The following STOX2 variants were observed in gnomAD, a reference collection of about 807,000 sequenced individuals.
The protein encoded by STOX2 is storkhead box 2, also known as storkhead-box protein 2.
A neutral mutation model predicts 60.9 loss-of-function variants in STOX2; 28 were observed. The observed-to-expected ratio is 0.46, with a 90% CI of 0.34 to 0.63. The LOEUF is 0.63. STOX2 is among the 30% of genes least tolerant of loss of function. The probability of loss-of-function intolerance (pLI) is 0.01; values close to 1 mark genes in which losing one functional copy is unlikely to be tolerated. For missense variants in STOX2, 1,024 were observed against 1,187.7 expected, an observed-to-expected ratio of 0.86 and a Z score of 2.03; for synonymous variants, 472 against 463.9, an observed-to-expected ratio of 1.02 and a Z score of -0.22.
chr4:183,938,707 C>A (rs1742663007), intron 1 of STOX2, among the ~76,000 whole-genome samples: 1 of 150,960 alleles, frequency 6.6e-6, no homozygotes, highest in Non-Finnish European at 1.5e-5. Flanking sequence ...TATTTTATTC[C>A]CAAAGTTCAC....
intron 1 of STOX2, among the ~76,000 whole-genome samples, chr4:183,803,845 C>G (rs1191318766): frequency 1.3e-5 from 2 of 152,060 alleles, no homozygotes; most frequent in Non-Finnish European, 2.9e-5. Context: ...CACCTGTAAT[C>G]CTAACTACTT....
chr4:184,003,664 C>G (rs1008127026), intron 2 of STOX2, among the ~76,000 whole-genome samples: 1 of 152,212 alleles, frequency 6.6e-6, no homozygotes, highest in Non-Finnish European at 1.5e-5. Context: ...TGCCCATTTG[C>G]TCATGGATGG....
chr4:183,888,862 T>C (rs1741142887), intron 1 of STOX2, among the ~76,000 whole-genome samples: 1 of 152,038 alleles, frequency 6.6e-6, no homozygotes, highest in Non-Finnish European at 1.5e-5. Context: ...TGCTTGTTCC[T>C]GGGGCTGATT....
intron 1 of STOX2, among the ~76,000 whole-genome samples, chr4:183,984,330 T>C (rs897157648): frequency 6.6e-6 from 1 of 152,244 alleles, no homozygotes; most frequent in Non-Finnish European, 1.5e-5. Context: ...TTCAAAATTC[T>C]TGGGGGCACT....
intron 3 of STOX2, among the ~76,000 whole-genome samples, chr4:184,012,857 T>C (rs1734220923): frequency 6.6e-6 from 1 of 152,230 alleles, no homozygotes; most frequent in African/African-American, 2.4e-5. Flanking sequence ...AATCAGATAT[T>C]ATTTTCTGAT....
intron 1 of STOX2, among the ~76,000 whole-genome samples, chr4:183,857,368 G>T (rs28497249): frequency 9.0e-6 from 1 of 111,640 alleles, no homozygotes; most frequent in Non-Finnish European, 2.0e-5. Context: ...TGGTCATCCC[G>T]CAGGACTGGT....
Position 183,821,126 on chromosome 4 carries a change from A to G in STOX2, c.364+23071A>G, listed in dbSNP as rs549527562. Reference sequence around the variant, plus strand: ...CTGTCTCAAAGAAAAAGAAAAAAGAAAAAGAAAAAAGAGATTTTTCTCTTC... The same window carrying G: ...CTGTCTCAAAGAAAAAGAAAAAAGAGAAAGAAAAAAGAGATTTTTCTCTTC... On this transcript the variant is annotated intron_variant, in intron 1 of 2. Transcript: ENST00000513034. This position sits in a 1 kb window ranked among gnomAD's most constrained non-coding sequence, Gnocchi z 4.2. Among the ~76,000 whole-genome samples, 17 of 152,160 alleles carry G rather than the reference A, an allele frequency of 1.1e-4. No homozygotes were observed. Among genetic ancestry groups the G allele is most frequent in the Non-Finnish European group, 2.2e-4 (15 of 68,050 alleles).
intron 1 of STOX2, among the ~76,000 whole-genome samples, chr4:183,813,307 C>T (rs1178462388): frequency 2.0e-5 from 3 of 152,094 alleles, no homozygotes; most frequent in Non-Finnish European, 2.9e-5. Flanking sequence ...TGCTTGAACC[C>T]GGGAAGTGGA....
At chr4:183,947,079 TGG>T (rs998005093) in intron 1 of STOX2, among the ~76,000 whole-genome samples, 11 of 38,480 alleles carry the variant, frequency 2.9e-4, no homozygotes, top group South Asian at 1.9e-3. Context: ...GGTATCCTGG[TGG>T]GGGGTGGGGC....
At chr4:183,988,880 G>C (rs1052611800) in intron 1 of STOX2, 1 of 152,710 alleles carries the variant, frequency 6.5e-6, no homozygotes, top group African/African-American at 2.4e-5. Context: ...TGAAATGTCA[G>C]CACCACCCGT....
chr4:183,953,150 C>A (rs1171708603), intron 1 of STOX2, among the ~76,000 whole-genome samples: 1 of 151,640 alleles, frequency 6.6e-6, no homozygotes, highest in African/African-American at 2.4e-5. Flanking sequence ...AACAAACCTG[C>A]ATGTTCTGCA....
chr4:183,832,355 G>A (rs141336084), intron 1 of STOX2, among the ~76,000 whole-genome samples: 2 of 152,006 alleles, frequency 1.3e-5, no homozygotes, highest in East Asian at 1.9e-4. Flanking sequence ...ACCCCATTTT[G>A]GCTCCTAGTT....
intron 1 of STOX2, among the ~76,000 whole-genome samples, chr4:183,877,188 C>G (rs1480177176): frequency 2.0e-5 from 3 of 152,188 alleles, no homozygotes; most frequent in Non-Finnish European, 4.4e-5. Flanking sequence ...TCTTTTAGCT[C>G]TAAGTTCTGT....
At chr4:183,811,222 T>G (rs948772721) in intron 1 of STOX2, among the ~76,000 whole-genome samples, 6 of 152,202 alleles carry the variant, frequency 3.9e-5, no homozygotes, top group Admixed American at 3.9e-4. Context: ...CCGTTTATTC[T>G]TAGGAGACTA....
intron 1 of STOX2, among the ~76,000 whole-genome samples, chr4:183,852,102 AGG>A (rs2111143256): frequency 5.1e-5 from 7 of 138,356 alleles, no homozygotes; most frequent in African/African-American, 5.7e-5. Flanking sequence ...GGAAAGGATG[AGG>A]GAAAGGATGA....
In STOX2 at chr4:183,827,423, T is replaced by C. The variant is rs117273718; in HGVS notation, c.364+29368T>C. 4.3e-4 allele frequency among the ~76,000 whole-genome samples: 65 copies of C among 151,864 alleles called. No individual in the cohort carries two copies. In the East Asian group the frequency reaches 0.012, roughly 28 times the overall value. On this transcript the variant is annotated intron_variant, in intron 1 of 2. Transcript: ENST00000513034. ...GTGAGGATTGCTTGAACCCAGGAGT[T>C]TGAAGCTGCAGTGAGCTGGGATCAT...
chr4:183,910,786 C>T (rs1741754913), intron 1 of STOX2, among the ~76,000 whole-genome samples: 3 of 152,132 alleles, frequency 2.0e-5, no homozygotes, highest in South Asian at 4.1e-4. Flanking sequence ...AAACAAAAGC[C>T]CTAAACTGAC....
chr4:183,803,484 C>T (rs1006969021), intron 1 of STOX2, among the ~76,000 whole-genome samples: 2 of 152,130 alleles, frequency 1.3e-5, no homozygotes, highest in Non-Finnish European at 2.9e-5. Flanking sequence ...TATTCCTAGA[C>T]GAATAGCTTG....
chr4:183,967,698 G>C (rs1047190147), intron 1 of STOX2, among the ~76,000 whole-genome samples: 2 of 152,192 alleles, frequency 1.3e-5, no homozygotes, highest in African/African-American at 4.8e-5. Flanking sequence ...AGGATGTCAT[G>C]AAAATGGTGA....
Sources: allele counts gnomAD v4.1 joint callset (sites outside exome capture counted in the v4.1 genomes callset), GRCh38; gene constraint gnomAD v4.1.1; non-coding constraint Gnocchi (gnomAD v3.1); transcripts MANE v1.5; gene names NCBI Gene and HGNC (gene_info 2026-07-23, HGNC 2026-07-21).